The following MACROD2 variants were observed in gnomAD, a reference collection of about 807,000 sequenced individuals.
The protein encoded by MACROD2 is ADP-ribose glycohydrolase MACROD2.
Under a neutral mutation model 70.4 loss-of-function variants are expected in MACROD2, and 36 were observed. The observed-to-expected ratio is 0.51, with a 90% CI of 0.39 to 0.68. The LOEUF (loss-of-function observed/expected upper bound fraction) is 0.68. Among genes scored for constraint, MACROD2 ranks in the 30% least tolerant of loss-of-function variants. The pLI is 0.00. For synonymous variants in MACROD2, 172 were observed against 178.8 expected, an observed-to-expected ratio of 0.96 and a Z score of 0.30; for missense variants, 496 against 538.4, an observed-to-expected ratio of 0.92 and a Z score of 0.78.
At chr20:16,011,311 G>C (rs1312321998) in intron 15 of MACROD2, among the ~76,000 whole-genome samples, 3 of 152,218 alleles carry the variant, frequency 2.0e-5, no homozygotes, top group African/African-American at 7.2e-5. Context: ...CCAAAACAAA[G>C]CCACTGTTCT....
At chr20:14,962,211 C>G (rs1322730512) in intron 5 of MACROD2, among the ~76,000 whole-genome samples, 3 of 152,130 alleles carry the variant, frequency 2.0e-5, no homozygotes, top group Non-Finnish European at 4.4e-5. Context: ...CTCTTCCAGC[C>G]TATAACTGGT....
At chr20:14,574,864 A>G (rs1980469858) in intron 4 of MACROD2, among the ~76,000 whole-genome samples, 1 of 144,576 alleles carries the variant, frequency 6.9e-6, no homozygotes, top group African/African-American at 2.6e-5. Context: ...ACAAAAAATT[A>G]GCCGGGCGCG....
At chr20:15,830,284 C>G (rs1016498301) in intron 8 of MACROD2, among the ~76,000 whole-genome samples, 1 of 152,222 alleles carries the variant, frequency 6.6e-6, no homozygotes, top group East Asian at 1.9e-4. Context: ...TACAAAGTCA[C>G]AAGGTGGGGC....
At chr20:15,856,145 C>T (rs1469285648) in intron 8 of MACROD2, among the ~76,000 whole-genome samples, 1 of 152,134 alleles carries the variant, frequency 6.6e-6, no homozygotes, top group Non-Finnish European at 1.5e-5. Context: ...TTCTCAAAAG[C>T]AGTCTATGAA....
chr20:14,755,868 C>T (rs1257287495), intron 5 of MACROD2, among the ~76,000 whole-genome samples: 1 of 151,908 alleles, frequency 6.6e-6, no homozygotes, highest in Non-Finnish European at 1.5e-5. Flanking sequence ...CTGAACATAA[C>T]ATTTGTTATA....
At position 14,137,838 on chromosome 20, in the gene MACROD2, G is replaced by A. The variant is rs567966728; in HGVS notation, c.271+52110G>A. 1.2e-4 allele frequency among the ~76,000 whole-genome samples: 18 copies of A among 152,212 alleles called. No individual in the cohort carries two copies. In the South Asian group the frequency reaches 3.7e-3, roughly 32 times the overall value. On this transcript the variant is annotated intron_variant, in intron 3 of 17. Coordinates refer to ENST00000684519, the MANE Select transcript of MACROD2 (RefSeq NM_001351661.2). ...AGCAAGGAAATAGCAAAGTGAAAAG[G>A]CAACCTATGGATTGGAGAAATATTT...
intron 9 of MACROD2, among the ~76,000 whole-genome samples, chr20:15,879,055 A>G (rs1472141035): frequency 6.6e-6 from 1 of 152,118 alleles, no homozygotes; most frequent in African/African-American, 2.4e-5. Flanking sequence ...TAGCCTCTGT[A>G]TGGTCTGTGC....
intron 2 of MACROD2, among the ~76,000 whole-genome samples, chr20:14,037,143 T>C (rs1391565904): frequency 6.6e-6 from 1 of 152,178 alleles, no homozygotes; most frequent in Non-Finnish European, 1.5e-5. Context: ...CCTGGTTATA[T>C]TGAAAGGTAG....
intron 6 of MACROD2, among the ~76,000 whole-genome samples, chr20:15,427,004 C>G (rs1209096610): frequency 6.9e-6 from 1 of 145,956 alleles, no homozygotes; most frequent in Non-Finnish European, 1.5e-5. Flanking sequence ...CTCTCTCTCC[C>G]TGTCTCTCTC....
chr20:14,563,320 G>C (rs1979559941), intron 4 of MACROD2, among the ~76,000 whole-genome samples: 1 of 151,904 alleles, frequency 6.6e-6, no homozygotes, highest in African/African-American at 2.4e-5. Flanking sequence ...AGGGGAGAAA[G>C]AACGTCTCCA....
At chr20:15,542,189 A>G (rs56897784) in intron 8 of MACROD2, among the ~76,000 whole-genome samples, 3,458 of 152,290 alleles carry the variant, frequency 0.023, 117 homozygotes, top group African/African-American at 0.078. Context: ...CGACATCTTC[A>G]TATCCCAGCT....
chr20:16,013,843 A>G (rs970772543), intron 15 of MACROD2, among the ~76,000 whole-genome samples: 4 of 152,168 alleles, frequency 2.6e-5, no homozygotes, highest in African/African-American at 9.7e-5. Context: ...GGTTTAGCAG[A>G]TGGTTTTGGT....
rs1161464676 is a variant in MACROD2 at position 15,348,039 on chromosome 20, C to T, written c.541-83366C>T. Among the ~76,000 whole-genome samples, 4 of 152,214 alleles carry T rather than the reference C, an allele frequency of 2.6e-5. No individual in the cohort carries two copies. In the East Asian group the frequency reaches 7.7e-4, roughly 29 times the overall value. ...CCTTCCTTCTGGGCATCCAACCACACAATCTTTCCATCTACCTCTACATTT... is the reference window on the plus strand; with the variant it reads ...CCTTCCTTCTGGGCATCCAACCACATAATCTTTCCATCTACCTCTACATTT... On this transcript the variant is annotated intron_variant, in intron 6 of 17. Transcript: ENST00000684519.
At chr20:14,729,014 A>T (rs1600595545) in intron 5 of MACROD2, among the ~76,000 whole-genome samples, 1 of 152,254 alleles carries the variant, frequency 6.6e-6, no homozygotes, top group Non-Finnish European at 1.5e-5. Flanking sequence ...CAATTAGATA[A>T]ATTTCTGATA....
At chr20:15,240,795 T>C (rs2077054265) in intron 6 of MACROD2, among the ~76,000 whole-genome samples, 1 of 152,094 alleles carries the variant, frequency 6.6e-6, no homozygotes, top group Non-Finnish European at 1.5e-5. Context: ...ATTACTGCTG[T>C]GATAATAAGA....
At chr20:15,311,932 A>G (rs938568492) in intron 6 of MACROD2, among the ~76,000 whole-genome samples, 3 of 152,184 alleles carry the variant, frequency 2.0e-5, no homozygotes, top group African/African-American at 4.8e-5. Flanking sequence ...TGAATCTAAA[A>G]TAAAAGTTGA....
intron 5 of MACROD2, among the ~76,000 whole-genome samples, chr20:15,014,240 A>ATGGTATAATG (rs1371786809): frequency 7.2e-5 from 11 of 152,322 alleles, no homozygotes; most frequent in African/African-American, 2.6e-4. Flanking sequence ...ACTCTTACCA[A>ATGGTATAATG]GTTTAAAATT....
chr20:15,191,931 T>TATAGAGAGAGAGAGAG (rs150210305), intron 5 of MACROD2, among the ~76,000 whole-genome samples: 2 of 142,290 alleles, frequency 1.4e-5, no homozygotes, highest in African/African-American at 5.2e-5. Context: ...TATATATATA[T>TATAGAGAGAGAGAGAG]AGAGAGAGAG....
intron 2 of MACROD2, among the ~76,000 whole-genome samples, chr20:14,017,381 G>A (rs2053008841): frequency 6.6e-6 from 1 of 152,060 alleles, no homozygotes; most frequent in Admixed American, 6.5e-5. Flanking sequence ...AGTGAAAGTG[G>A]ACATCATTAT....
Sources: gnomAD v4.1 joint callset for allele counts (sites outside exome capture counted in the v4.1 genomes callset) on GRCh38, gnomAD v4.1.1 for gene constraint, MANE v1.5 for transcripts, NCBI Gene and HGNC (gene_info 2026-07-23, HGNC 2026-07-21) for gene names.